Variants in ARSB observed in about 807,000 individuals in gnomAD.
ARSB encodes arylsulfatase B.
ARSB carries 41 observed loss-of-function variants against 50.9 expected under a neutral mutation model. That is an observed-to-expected ratio of 0.81 (90% CI 0.63 to 1.04). The LOEUF is 1.04. Among genes scored for constraint, ARSB ranks in the 50% least tolerant of loss-of-function variants. The pLI, the probability that ARSB is intolerant of heterozygous loss-of-function variation, is 0.00. For synonymous variants in ARSB, 269 were observed against 284.8 expected, an observed-to-expected ratio of 0.94 and a Z score of 0.56; for missense variants, 672 against 693.3, an observed-to-expected ratio of 0.97 and a Z score of 0.35.
intron 5 of ARSB, among the ~76,000 whole-genome samples, chr5:78,871,869 G>A (rs1747203224): frequency 7.1e-6 from 1 of 140,042 alleles, no homozygotes; most frequent in South Asian, 2.3e-4. Flanking sequence ...TACCATCAGA[G>A]TGAACAGGCA....
At chr5:78,940,556 T>G (rs1401915102) in intron 4 of ARSB, among the ~76,000 whole-genome samples, 5 of 152,184 alleles carry the variant, frequency 3.3e-5, no homozygotes, top group South Asian at 2.1e-4. Flanking sequence ...TTTCCCCATT[T>G]CTTGTTTCTG....
chr5:78,830,822 G>A (rs186068829), intron 6 of ARSB, among the ~76,000 whole-genome samples: 6 of 152,272 alleles, frequency 3.9e-5, no homozygotes, highest in African/African-American at 1.4e-4. Context: ...AGGAAAATTT[G>A]ACGAGCTGCT....
intron 1 of ARSB, among the ~76,000 whole-genome samples, chr5:78,970,226 T>G (rs1752393181): frequency 6.6e-6 from 1 of 152,126 alleles, no homozygotes; most frequent in African/African-American, 2.4e-5. Context: ...TTCTTCAACT[T>G]TTACTAAAAA....
intron 4 of ARSB, among the ~76,000 whole-genome samples, chr5:78,919,287 G>A (rs997667836): frequency 3.9e-5 from 6 of 152,078 alleles, no homozygotes; most frequent in African/African-American, 7.3e-5. Flanking sequence ...AAACATCAGC[G>A]CACTTGCAAC....
Position 78,933,791 on chromosome 5 carries a change from A to C in ARSB, c.898+21504T>G, listed in dbSNP as rs913023294. On this transcript the variant is annotated intron_variant, in intron 4 of 7. Transcript: ENST00000264914. ...TTACCTTACATGGCAACGGGGAGTT[A>C]AAGTTGCCATGGAATTGAAGTTGCT... Among the ~76,000 whole-genome samples the C allele has an allele frequency of 3.0e-4, 45 of 152,352 alleles. 1 individual carries two copies. The highest frequency in any genetic ancestry group is 1.1e-3 in the African/African-American group (44 of 41,586).
chr5:78,805,155 C>T (rs1330032707), intron 6 of ARSB, among the ~76,000 whole-genome samples: 1 of 152,230 alleles, frequency 6.6e-6, no homozygotes, highest in African/African-American at 2.4e-5. Flanking sequence ...TTCCCAGGGG[C>T]TGCTGAAAAC....
At chr5:78,901,474 G>A (rs1324500957) in intron 4 of ARSB, among the ~76,000 whole-genome samples, 1 of 152,118 alleles carries the variant, frequency 6.6e-6, no homozygotes, top group Non-Finnish European at 1.5e-5. Flanking sequence ...CTGGAATGGA[G>A]TGCCTAGTAA....
chr5:78,869,672 A>T (rs1407560897), intron 5 of ARSB, among the ~76,000 whole-genome samples: 1 of 151,520 alleles, frequency 6.6e-6, no homozygotes, highest in Non-Finnish European at 1.5e-5. Flanking sequence ...CAGTGTGTAG[A>T]GGGAAATTTA....
At chr5:78,832,556 T>G (rs1744739263) in intron 6 of ARSB, among the ~76,000 whole-genome samples, 1 of 152,170 alleles carries the variant, frequency 6.6e-6, no homozygotes, top group Non-Finnish European at 1.5e-5. Flanking sequence ...AATGTCGCTC[T>G]GAGGAGGAAA....
At chr5:78,983,838 A>G (rs2112576208) in intron 1 of ARSB, among the ~76,000 whole-genome samples, 1 of 152,312 alleles carries the variant, frequency 6.6e-6, no homozygotes, top group Admixed American at 6.5e-5. Context: ...ATGCGAACAC[A>G]CACTTGGGAG....
chr5:78,954,770 G>A (rs1476256902), intron 4 of ARSB, among the ~76,000 whole-genome samples: 1 of 152,194 alleles, frequency 6.6e-6, no homozygotes, highest in African/African-American at 2.4e-5. Flanking sequence ...CTCCCAAAGT[G>A]CTGGGATTAC....
chr5:78,943,252 T>C (rs1751029233), intron 4 of ARSB, among the ~76,000 whole-genome samples: 1 of 152,224 alleles, frequency 6.6e-6, no homozygotes, highest in Admixed American at 6.5e-5. Flanking sequence ...AGTCTGTGTC[T>C]TTTAATTGGA....
At chr5:78,880,154 G>C (rs1434758107) in intron 5 of ARSB, among the ~76,000 whole-genome samples, 1 of 152,178 alleles carries the variant, frequency 6.6e-6, no homozygotes. Flanking sequence ...AGAAAGATCT[G>C]CAATTTGGAG....
chr5:78,912,231 G>C (rs1404026512), intron 4 of ARSB, among the ~76,000 whole-genome samples: 2 of 152,240 alleles, frequency 1.3e-5, no homozygotes, highest in African/African-American at 4.8e-5. Flanking sequence ...AGGAAAAAGA[G>C]AGAAGATGGC....
Position 78,780,003 on chromosome 5 carries a change from A to G in ARSB, c.*394T>C. 3.6e-6 allele frequency: 1 copy of G among 280,302 alleles called. No homozygotes were observed. The highest frequency in any genetic ancestry group is 3.9e-5 in the South Asian group (1 of 25,528). 17.4% of individuals were successfully genotyped at this position (280,302 alleles called of 1,614,324 possible). On this transcript the variant is annotated 3_prime_UTR_variant, in exon 8 of 8. Coordinates refer to ENST00000264914, the MANE Select transcript of ARSB (RefSeq NM_000046.5). ...CACTGTCTGCTCCCTTCATTTGCGT[A>G]AGAAATGTGATTCACTCCAATAAAA...
chr5:78,976,518 G>A lies in ARSB; in HGVS notation c.313-7326C>T, dbSNP rs1275630185. ...TTTTATAGAGATGGAATTTCACCGA[G>A]GCTGCTCTCGAACTCCTGGACTCCA... On this transcript the variant is annotated intron_variant, in intron 1 of 7. Transcript: ENST00000264914. Among the ~76,000 whole-genome samples the A allele has an allele frequency of 2.6e-5, 4 of 151,998 alleles. No homozygotes were observed. In the East Asian group the frequency reaches 7.7e-4, roughly 29 times the overall value.
At chr5:78,954,607 C>A (rs1442114273) in intron 4 of ARSB, among the ~76,000 whole-genome samples, 5 of 152,148 alleles carry the variant, frequency 3.3e-5, no homozygotes, top group African/African-American at 1.2e-4. Context: ...TGGATTCAAG[C>A]AGTTCTCCTG....
chr5:78,780,332 A>C lies in ARSB; in HGVS notation c.*65T>G. 5.0e-6 allele frequency: 8 copies of C among 1,607,490 alleles called. No individual in the cohort carries two copies. The highest frequency in any genetic ancestry group is 5.9e-6 in the Non-Finnish European group (7 of 1,176,694). ...CCAGGTTGGGATAACAAATGAGACA[A>C]GAGTCGTGAGAAAAGGCCTGAGGTC... On this transcript the variant is annotated 3_prime_UTR_variant, in exon 8 of 8. Coordinates refer to ENST00000264914, the MANE Select transcript of ARSB (RefSeq NM_000046.5).
intron 4 of ARSB, among the ~76,000 whole-genome samples, chr5:78,903,257 A>G (rs17820610): frequency 0.13 from 20,153 of 152,182 alleles, 1,502 homozygotes; most frequent in Middle Eastern, 0.19. Context: ...GGTGCGTTAA[A>G]GAAAAAATCC....
Sources: allele counts gnomAD v4.1 joint callset (sites outside exome capture counted in the v4.1 genomes callset), GRCh38; gene constraint gnomAD v4.1.1; transcripts MANE v1.5; gene names NCBI Gene and HGNC (gene_info 2026-07-23, HGNC 2026-07-21).